The following ARPP21 variants were observed in gnomAD, a reference collection of about 807,000 sequenced individuals.
ARPP21 encodes cAMP regulated phosphoprotein 21.
Under a neutral mutation model 113.2 loss-of-function variants are expected in ARPP21, and 69 were observed. That is an observed-to-expected ratio of 0.61 (90% CI 0.50 to 0.74). The LOEUF (loss-of-function observed/expected upper bound fraction) is 0.74, where lower values mean the gene tolerates loss of function less well. Ranked by LOEUF, ARPP21 falls within the 30% of genes least tolerant of loss-of-function variation. ARPP21 has a pLI of 0.00. For synonymous variants in ARPP21, 368 were observed against 375.5 expected (o/e 0.98, Z 0.23); for missense variants, 1,070 against 1,037.4 (o/e 1.03, Z -0.43).
intron 16 of ARPP21, 138 bp downstream of exon 16, chr3:35,737,500 CT>C: frequency 1.8e-6 from 1 of 555,848 alleles, no homozygotes; most frequent in South Asian, 3.8e-5. Flanking sequence ...GCATAGAGTT[CT>C]TTGCAGATTG....
chr3:35,666,809 T>C (rs1463935332), intron 1 of ARPP21, among the ~76,000 whole-genome samples: 1 of 152,204 alleles, frequency 6.6e-6, no homozygotes, highest in East Asian at 1.9e-4. Context: ...CTCTTCTCAG[T>C]CTTTATGTTT....
intron 1 of ARPP21, among the ~76,000 whole-genome samples, chr3:35,641,936 A>G (rs1337996723): frequency 6.6e-6 from 1 of 152,194 alleles, no homozygotes; most frequent in East Asian, 1.9e-4. Context: ...CTATGCATTC[A>G]TGTTTTAGAT....
At chr3:35,663,284 G>T (rs1708648786) in intron 1 of ARPP21, among the ~76,000 whole-genome samples, 2 of 152,132 alleles carry the variant, frequency 1.3e-5, no homozygotes, top group Admixed American at 6.6e-5. Flanking sequence ...CAAAAAAGCT[G>T]TGATCTATAC....
At position 35,737,230 on chromosome 3, in the gene ARPP21, C is replaced by A; in HGVS notation, c.1512C>A (p.Thr504=). Residue 504 remains threonine (T), a synonymous_variant, in exon 16 of 21, where the codon ACC becomes ACA. Coordinates refer to ENST00000684406, the MANE Select transcript of ARPP21 (RefSeq NM_001385562.1). Reference sequence around the variant, plus strand: ...CTCCTGCAATATACAACCCACCCACCAGTCAGCAGCCCCTGCGAAGCGCCA... The same window carrying A: ...CTCCTGCAATATACAACCCACCCACAAGTCAGCAGCCCCTGCGAAGCGCCA... ...DGTPAIYNPP[T]SQQPLRSAMV... The A allele has an allele frequency of 7.4e-6, 12 of 1,613,180 alleles. No individual in the cohort carries two copies. The highest frequency in any genetic ancestry group is 9.3e-6 in the Non-Finnish European group (11 of 1,179,466).
At chr3:35,717,192 TTGTA>T (rs1252771479) in intron 12 of ARPP21, 102 bp from the exon 13 acceptor site, 1 of 621,814 alleles carries the variant, frequency 1.6e-6, no homozygotes, top group Non-Finnish European at 2.9e-6. Context: ...AAATAAAACT[TTGTA>T]TGGGATTGAT....
At chr3:35,775,306 A>G (rs903020813) in intron 19 of ARPP21, among the ~76,000 whole-genome samples, 3 of 152,194 alleles carry the variant, frequency 2.0e-5, no homozygotes, top group African/African-American at 4.8e-5. Flanking sequence ...AACAAATGCA[A>G]TTTATCAGGA....
intron 19 of ARPP21, among the ~76,000 whole-genome samples, chr3:35,768,418 C>T (rs116582687): frequency 6.2e-4 from 94 of 152,106 alleles, no homozygotes; most frequent in Non-Finnish European, 1.1e-3. Flanking sequence ...TTGGCTAACA[C>T]GGACATATAG....
chr3:35,715,149 C>A (rs772191995), intron 11 of ARPP21: 2 of 283,866 alleles, frequency 7.0e-6, no homozygotes, highest in Admixed American at 4.7e-5. Context: ...GACGGCCACA[C>A]GTTTCTCCAG....
chr3:35,768,125 TGTGTGTGTGTGTG>T (rs2096057319), intron 19 of ARPP21, among the ~76,000 whole-genome samples: 1 of 136,974 alleles, frequency 7.3e-6, no homozygotes, highest in Non-Finnish European at 1.6e-5. Flanking sequence ...TGTGTGTGTG[TGTGTGTGTGTGTG>T]TTTGCATGAT....
At chr3:35,693,498 G>A (rs1230044807) in intron 9 of ARPP21, among the ~76,000 whole-genome samples, 2 of 151,602 alleles carry the variant, frequency 1.3e-5, no homozygotes, top group African/African-American at 2.4e-5. Context: ...TTAAATCTCT[G>A]TATCCAAATA....
At chr3:35,780,105 C>T (rs1439687155) in intron 19 of ARPP21, among the ~76,000 whole-genome samples, 1 of 152,140 alleles carries the variant, frequency 6.6e-6, no homozygotes, top group East Asian at 1.9e-4. Context: ...TATACGTTGC[C>T]TCTTCATCAT....
chr3:35,702,455 G>A (rs772390833), intron 9 of ARPP21, among the ~76,000 whole-genome samples: 10 of 151,692 alleles, frequency 6.6e-5, no homozygotes, highest in Non-Finnish European at 1.2e-4. Flanking sequence ...AATCCACGTA[G>A]CCAAATTGTT....
intron 1 of ARPP21, among the ~76,000 whole-genome samples, chr3:35,668,181 A>G (rs1300719034): frequency 6.6e-6 from 1 of 151,984 alleles, no homozygotes; most frequent in Admixed American, 6.6e-5. Flanking sequence ...ATTTTGGGGG[A>G]AGAGTATTCC....
rs1478205404 is a variant in ARPP21, at chr3:35,696,483, C to T, written c.686+5478C>T. On this transcript the variant is annotated intron_variant, in intron 9 of 20. Transcript: ENST00000684406. ...AAATTGGGTCTTAATAGCTGGGACT[C>T]CTGTAACAAATAGAGTCACTGAGCT... Among the ~76,000 whole-genome samples, 7 of 151,530 alleles carry T rather than the reference C, an allele frequency of 4.6e-5. No homozygotes were observed. In the Admixed American group the frequency reaches 4.6e-4, roughly 10 times the overall value.
In ARPP21 at chr3:35,682,889, G is replaced by A. The variant is rs1359067189; in HGVS notation, c.171G>A (p.Lys57=). Residue 57 remains lysine, a splice_region_variant and synonymous_variant, in exon 4 of 21, where the codon AAG becomes AAA. Coordinates refer to ENST00000684406, the MANE Select transcript of ARPP21 (RefSeq NM_001385562.1). The part of the protein sequence containing the change: ...EAQNQERRKS[K]SGAGKGKLTR... ...AGAATCAAGAAAGAAGAAAATCCAAGGTAGGGTTCTTAACATTCTAGGTAG... is the reference window on the plus strand; with the variant it reads ...AGAATCAAGAAAGAAGAAAATCCAAAGTAGGGTTCTTAACATTCTAGGTAG... 7 of 1,607,558 alleles carry A rather than the reference G, an allele frequency of 4.4e-6. No homozygotes were observed. Among genetic ancestry groups the A allele is most frequent in the Admixed American group, 1.7e-5 (1 of 59,450 alleles).
intron 19 of ARPP21, among the ~76,000 whole-genome samples, chr3:35,752,069 C>A (rs947696765): frequency 9.9e-5 from 15 of 152,070 alleles, no homozygotes; most frequent in African/African-American, 3.4e-4. Flanking sequence ...CAACAGGCCT[C>A]TTGTTTGTTG....
intron 1 of ARPP21, among the ~76,000 whole-genome samples, chr3:35,673,655 C>T (rs2076859868): frequency 6.6e-6 from 1 of 151,890 alleles, no homozygotes; most frequent in Non-Finnish European, 1.5e-5. Context: ...AAAAATCAGA[C>T]AAAATAACAA....
chr3:35,736,628 G>A (rs1361795221), intron 15 of ARPP21, among the ~76,000 whole-genome samples: 3 of 152,170 alleles, frequency 2.0e-5, no homozygotes, highest in Non-Finnish European at 4.4e-5. Context: ...CCTTGCTTAT[G>A]TCTATTTCGA....
rs754025228 is a variant in ARPP21 at position 35,743,842 on chromosome 3, C to A, written c.2014C>A (p.Pro672Thr). 2 of 1,613,720 alleles carry A rather than the reference C, an allele frequency of 1.2e-6. No individual in the cohort carries two copies. Among genetic ancestry groups the A allele is most frequent in the Non-Finnish European group, 1.7e-6 (2 of 1,179,636 alleles). Residue 672 changes from proline to threonine, a missense_variant, in exon 19 of 21, where the codon CCT becomes ACT. Pro to Thr is a conservative substitution (Grantham distance 38). Transcript: ENST00000684406. Reference sequence around the variant, plus strand: ...TTCTTCCTCCTTTCTTCCACAGATGCCTGTATATTATTACCCATCTGGTCA... The same window carrying A: ...TTCTTCCTCCTTTCTTCCACAGATGACTGTATATTATTACCCATCTGGTCA... ...FVQQPPPAQM[P>T]VYYYPSGQYP...
Sources: allele counts gnomAD v4.1 joint callset (sites outside exome capture counted in the v4.1 genomes callset), GRCh38; gene constraint gnomAD v4.1.1; transcripts MANE v1.5; gene names NCBI Gene and HGNC (gene_info 2026-07-23, HGNC 2026-07-21).